CIROZ: variants seen among roughly 807,000 people sequenced by gnomAD.
The protein encoded by CIROZ is ciliated left-right organizer ZP-N domains-containing protein.
At chr1:10,957,607 A>G in the CIROZ span, 5 of 1,613,438 alleles carry the variant, frequency 3.1e-6, no homozygotes, top group Non-Finnish European at 4.2e-6. Flanking sequence ...CCTGCTGCCC[A>G]CCACTGACCT....
chr1:10,969,334 C>T, the CIROZ span, among the ~76,000 whole-genome samples: 15 of 151,976 alleles, frequency 9.9e-5, no homozygotes, highest in African/African-American at 1.9e-4. Context: ...GTTCCAGGTA[C>T]GCTGAAGACA....
the CIROZ span, among the ~76,000 whole-genome samples, chr1:10,971,303 T>C: frequency 6.6e-6 from 1 of 151,244 alleles, no homozygotes; most frequent in South Asian, 2.1e-4. Flanking sequence ...CCCCAGCCTC[T>C]GCCCATCCTG....
the CIROZ span, chr1:10,954,082 G>A: frequency 6.2e-7 from 1 of 1,613,826 alleles, no homozygotes; most frequent in East Asian, 2.2e-5. Context: ...GCAAATTCCA[G>A]GCTCAGGTCT....
chr1:10,957,893 G>T, the CIROZ span: 3 of 948,396 alleles, frequency 3.2e-6, no homozygotes. Flanking sequence ...GAGGCAGGAC[G>T]GCAGGCCACT....
At chr1:10,966,876 C>T in the CIROZ span, among the ~76,000 whole-genome samples, 1 of 151,996 alleles carries the variant, frequency 6.6e-6, no homozygotes, top group East Asian at 1.9e-4. Context: ...CGGCCAGGCA[C>T]GGTGGCTCAC....
At chr1:10,947,923 G>C in the CIROZ span, 3 of 1,613,698 alleles carry the variant, frequency 1.9e-6, no homozygotes, top group Non-Finnish European at 2.5e-6. Context: ...GGCCAGCCAG[G>C]GGCTGACTCC....
the CIROZ span, chr1:10,958,703 G>C: frequency 6.8e-6 from 11 of 1,614,044 alleles, no homozygotes; most frequent in Non-Finnish European, 7.6e-6. Flanking sequence ...ACTTCAATGG[G>C]GCCCGCTTAC....
chr1:10,970,157 A>G, the CIROZ span: 100 of 1,335,956 alleles, frequency 7.5e-5, no homozygotes, highest in East Asian at 9.1e-4. Context: ...AGGAAGGAAG[A>G]AAGGAAGGAA....
chr1:10,971,990 G>C, the CIROZ span, among the ~76,000 whole-genome samples: 3 of 152,200 alleles, frequency 2.0e-5, no homozygotes, highest in Admixed American at 2.0e-4. Flanking sequence ...AGGAAAAGGC[G>C]TGAGTTATGT....
chr1:10,964,780 G>A, the CIROZ span, among the ~76,000 whole-genome samples: 1 of 152,106 alleles, frequency 6.6e-6, no homozygotes, highest in Non-Finnish European at 1.5e-5. Flanking sequence ...ACAGGCAGAC[G>A]CCAACACGCC....
chr1:10,950,940 C>T, the CIROZ span, among the ~76,000 whole-genome samples: 15 of 152,208 alleles, frequency 9.9e-5, no homozygotes, highest in East Asian at 3.8e-4. Context: ...TCCAGCTAAG[C>T]GAGGCTGCTC....
At chr1:10,961,437 C>T in the CIROZ span, among the ~76,000 whole-genome samples, 1 of 152,178 alleles carries the variant, frequency 6.6e-6, no homozygotes, top group Non-Finnish European at 1.5e-5. Context: ...TTAGAGAGTC[C>T]AACATGGCAG....
the CIROZ span, among the ~76,000 whole-genome samples, chr1:10,961,302 G>A: frequency 6.7e-6 from 1 of 149,862 alleles, no homozygotes; most frequent in South Asian, 2.3e-4. Flanking sequence ...GGCCGGCCCC[G>A]CAATTCTTAG....
At chr1:10,981,452 G>A in the CIROZ span, among the ~76,000 whole-genome samples, 2 of 149,910 alleles carry the variant, frequency 1.3e-5, no homozygotes, top group African/African-American at 2.5e-5. Context: ...CTCTATCTCA[G>A]GAAGAAGGAG....
chr1:10,959,786 C>T, the CIROZ span, among the ~76,000 whole-genome samples: 236 of 152,356 alleles, frequency 1.5e-3, no homozygotes, highest in African/African-American at 5.3e-3. This position sits in a 1 kb window ranked among gnomAD's most constrained non-coding sequence, Gnocchi z 4.3. Context: ...TTGCCCAGCT[C>T]GGCTGTTCCT....
the CIROZ span, among the ~76,000 whole-genome samples, chr1:10,971,687 T>C: frequency 5.3e-4 from 81 of 152,226 alleles, no homozygotes; most frequent in African/African-American, 1.1e-3. Context: ...ACCTAGTTGT[T>C]TGTGAGATTT....
chr1:10,953,704 C>G, the CIROZ span, among the ~76,000 whole-genome samples: 1 of 152,172 alleles, frequency 6.6e-6, no homozygotes, highest in Non-Finnish European at 1.5e-5. Context: ...AACTGAGGCT[C>G]AACATGGTTA....
At chr1:10,976,337 C>CTTTT in the CIROZ span, 3 of 711,252 alleles carry the variant, frequency 4.2e-6, no homozygotes, top group Non-Finnish European at 6.5e-6. Context: ...CATTATATTT[C>CTTTT]TTTTTTTTTT....
chr1:10,975,889 G>T, the CIROZ span, among the ~76,000 whole-genome samples: 1 of 117,558 alleles, frequency 8.5e-6, no homozygotes, highest in African/African-American at 6.6e-5. Context: ...CGCTCCCTGT[G>T]CTGGTTTTAA....
Sources: gnomAD v4.1 joint callset for allele counts (sites outside exome capture counted in the v4.1 genomes callset) on GRCh38, gnomAD v4.1.1 for gene constraint, Gnocchi (gnomAD v3.1) non-coding constraint, MANE v1.5 for transcripts, NCBI Gene and HGNC (gene_info 2026-07-23, HGNC 2026-07-21) for gene names.